The following AGBL1 variants were observed in gnomAD, a reference collection of about 807,000 sequenced individuals.
AGBL1 encodes the protein cytosolic carboxypeptidase 4.
A neutral mutation model predicts 118.9 loss-of-function variants in AGBL1; 130 were observed. The ratio of observed to expected loss-of-function variants is 1.09; its 90% CI spans 0.95 to 1.26. AGBL1 has a LOEUF of 1.26. Ranked by LOEUF, AGBL1 falls within the 50% of genes most tolerant of loss-of-function variation. The pLI is 0.00. For synonymous variants in AGBL1, 555 were observed against 478.9 expected (o/e 1.16, Z -2.08); for missense variants, 1,584 against 1,298.1 (o/e 1.22, Z -3.38).
At chr15:86,182,592 A>G (rs2077568966) in intron 5 of AGBL1, among the ~76,000 whole-genome samples, 1 of 152,102 alleles carries the variant, frequency 6.6e-6, no homozygotes, top group Non-Finnish European at 1.5e-5. Context: ...AATTACATTT[A>G]CTCTCTTTCA....
intron 14 of AGBL1, among the ~76,000 whole-genome samples, chr15:86,271,216 A>T (rs77229288): frequency 5.9e-5 from 9 of 151,834 alleles, no homozygotes; most frequent in African/African-American, 2.2e-4. Flanking sequence ...ATGCCCGGCT[A>T]ATTTTTTAGT....
At chr15:86,543,914 T>C (rs184608762) in intron 19 of AGBL1, among the ~76,000 whole-genome samples, 12 of 152,322 alleles carry the variant, frequency 7.9e-5, no homozygotes, top group African/African-American at 2.9e-4. Context: ...GGCTTGCCTT[T>C]TTCTTCATAG....
chr15:86,659,441 G>C (rs532876214), intron 21 of AGBL1, among the ~76,000 whole-genome samples: 1 of 152,146 alleles, frequency 6.6e-6, no homozygotes, highest in Non-Finnish European at 1.5e-5. Flanking sequence ...TAGACCTGCA[G>C]GTAGATCTAA....
chr15:86,987,570 T>C (rs1331379493), intron 23 of AGBL1, among the ~76,000 whole-genome samples: 1 of 152,182 alleles, frequency 6.6e-6, no homozygotes, highest in Non-Finnish European at 1.5e-5. Flanking sequence ...ATTAGTTTTA[T>C]CAGGTTGAGA....
At chr15:86,984,401 G>C (rs905667436) in intron 23 of AGBL1, among the ~76,000 whole-genome samples, 3 of 139,962 alleles carry the variant, frequency 2.1e-5, no homozygotes, top group African/African-American at 8.0e-5. Flanking sequence ...GTTTCACTCT[G>C]TCGCCCGGGC....
chr15:86,550,888 C>T (rs918684891), intron 20 of AGBL1, among the ~76,000 whole-genome samples: 2 of 151,870 alleles, frequency 1.3e-5, no homozygotes, highest in South Asian at 2.1e-4. Flanking sequence ...AGAATATTCA[C>T]CTACTCAAGA....
chr15:86,472,314 A>G (rs986454876), intron 18 of AGBL1, among the ~76,000 whole-genome samples: 11 of 152,198 alleles, frequency 7.2e-5, no homozygotes, highest in African/African-American at 2.7e-4. Flanking sequence ...AGACCTGGTT[A>G]AGGTTCAGGC....
At chr15:86,718,586 T>C (rs1038504626) in intron 22 of AGBL1, among the ~76,000 whole-genome samples, 1 of 151,982 alleles carries the variant, frequency 6.6e-6, no homozygotes, top group African/African-American at 2.4e-5. Flanking sequence ...TCAATGCAGC[T>C]TAACAAAGCG....
intron 20 of AGBL1, among the ~76,000 whole-genome samples, chr15:86,550,348 T>C (rs2083647450): frequency 6.6e-6 from 1 of 152,026 alleles, no homozygotes; most frequent in Non-Finnish European, 1.5e-5. Flanking sequence ...TAAGACCAGA[T>C]TTAAAAAATA....
intron 5 of AGBL1, among the ~76,000 whole-genome samples, chr15:86,168,308 G>T (rs1176619682): frequency 6.6e-6 from 1 of 152,166 alleles, no homozygotes; most frequent in Non-Finnish European, 1.5e-5. Context: ...CTTTTGATTT[G>T]AAATAGGGAA....
intron 11 of AGBL1, among the ~76,000 whole-genome samples, chr15:86,265,430 C>G (rs78195161): frequency 5.3e-4 from 81 of 152,200 alleles, no homozygotes; most frequent in African/African-American, 1.9e-3. Flanking sequence ...GGAGCTTTAC[C>G]CATGGCTCAG....
intron 19 of AGBL1, among the ~76,000 whole-genome samples, chr15:86,526,085 T>C (rs1052224438): frequency 6.6e-6 from 1 of 152,102 alleles, no homozygotes; most frequent in African/African-American, 2.4e-5. Flanking sequence ...CAAAAGAAGT[T>C]ATATGAGTGA....
Position 86,613,578 on chromosome 15 carries a change from A to G in AGBL1, c.2994+59041A>G, listed in dbSNP as rs2084685026. Among the ~76,000 whole-genome samples the G allele has an allele frequency of 6.6e-6, 1 of 152,232 alleles. No individual in the cohort carries two copies. Among genetic ancestry groups the G allele is most frequent in the Non-Finnish European group, 1.5e-5 (1 of 68,042 alleles). ...ACTAGGAATTGTAAAGTAGGAAATTACCTGAGCCAGATTTCAGATCACAGA... is the reference window on the plus strand; with the variant it reads ...ACTAGGAATTGTAAAGTAGGAAATTGCCTGAGCCAGATTTCAGATCACAGA... On this transcript the variant is annotated intron_variant, in intron 21 of 22. Transcript: ENST00000614907. This position sits in a 1 kb window ranked among gnomAD's most constrained non-coding sequence, Gnocchi z 4.2.
intron 22 of AGBL1, among the ~76,000 whole-genome samples, chr15:86,840,086 G>A (rs2079224149): frequency 6.6e-6 from 1 of 152,170 alleles, no homozygotes; most frequent in Admixed American, 6.5e-5. Context: ...TTTGAGGTAT[G>A]CACAGTATCT....
Position 86,733,837 on chromosome 15 carries a change from A to C in AGBL1, c.3158+59401A>C, listed in dbSNP as rs114273305. Among the ~76,000 whole-genome samples the C allele has an allele frequency of 6.1e-3, 932 of 152,254 alleles. 10 individuals are homozygous for C. The highest frequency in any genetic ancestry group is 0.021 in the African/African-American group (883 of 41,550). Reference sequence around the variant, plus strand: ...AAAAGTGTCTTTATCCTTTATGGGAACTTCTTTGGGAAGGGTAAAGTCCCT... The same window carrying C: ...AAAAGTGTCTTTATCCTTTATGGGACCTTCTTTGGGAAGGGTAAAGTCCCT... On this transcript the variant is annotated intron_variant, in intron 22 of 22. Transcript: ENST00000614907.
intron 22 of AGBL1, among the ~76,000 whole-genome samples, chr15:86,867,170 G>C (rs1012460534): frequency 6.6e-6 from 1 of 152,042 alleles, no homozygotes; most frequent in Non-Finnish European, 1.5e-5. Flanking sequence ...TTGGGGGTGG[G>C]GGAATTGTAT....
At position 86,909,507 on chromosome 15, in the gene AGBL1, T is replaced by C. The variant is rs915090586; in HGVS notation, c.*2213T>C. The C allele has an allele frequency of 3.3e-5, 5 of 152,254 alleles. No homozygotes were observed. The highest frequency in any genetic ancestry group is 7.3e-5 in the Non-Finnish European group (5 of 68,050). The allele number at this position is 152,254 out of a possible 1,614,324, so 9.4% of individuals were successfully genotyped here. ...CATTATTAATAGTCTCTTATTTTTT[T>C]AACTCTTTTCCAAGTTTCCATTTTG... is the stretch of plus-strand genomic sequence containing the variant. On this transcript the variant is annotated 3_prime_UTR_variant, in exon 23 of 23. Transcript: ENST00000614907.
At chr15:86,896,706 C>A (rs1416998773) in intron 22 of AGBL1, among the ~76,000 whole-genome samples, 3 of 151,980 alleles carry the variant, frequency 2.0e-5, no homozygotes, top group Non-Finnish European at 4.4e-5. Flanking sequence ...CATTTTCTTT[C>A]TCATGCATAT....
At chr15:86,514,999 G>T (rs1364040521) in intron 18 of AGBL1, among the ~76,000 whole-genome samples, 1 of 151,982 alleles carries the variant, frequency 6.6e-6, no homozygotes, top group Non-Finnish European at 1.5e-5. Flanking sequence ...ACTTCATTTT[G>T]TGACGGCACC....
Sources: gnomAD v4.1 joint callset for allele counts (sites outside exome capture counted in the v4.1 genomes callset) on GRCh38, gnomAD v4.1.1 for gene constraint, Gnocchi (gnomAD v3.1) non-coding constraint, MANE v1.5 for transcripts, NCBI Gene and HGNC (gene_info 2026-07-23, HGNC 2026-07-21) for gene names.